Variants in SRGAP3 observed in about 807,000 individuals in gnomAD.
SRGAP3 encodes the protein SLIT-ROBO Rho GTPase-activating protein 3.
SRGAP3 carries 39 observed loss-of-function variants against 121.1 expected under a neutral mutation model. That is an observed-to-expected ratio of 0.32 (90% CI 0.25 to 0.42). SRGAP3 has a LOEUF of 0.42. Among genes scored for constraint, SRGAP3 ranks in the 10% least tolerant of loss-of-function variants. The probability of loss-of-function intolerance (pLI) is 1.00; values close to 1 mark genes in which losing one functional copy is unlikely to be tolerated. For synonymous variants in SRGAP3, 601 were observed against 570.0 expected, an observed-to-expected ratio of 1.05 and a Z score of -0.77; for missense variants, 1,213 against 1,470.6, an observed-to-expected ratio of 0.82 and a Z score of 2.86.
intron 1 of SRGAP3, among the ~76,000 whole-genome samples, chr3:9,137,563 G>T (rs1466580567): frequency 1.3e-5 from 2 of 152,134 alleles, no homozygotes; most frequent in Non-Finnish European, 2.9e-5. Context: ...AAATGATAAG[G>T]TCCCCAACAC....
chr3:9,121,954 A>C (rs1380472677), intron 2 of SRGAP3, among the ~76,000 whole-genome samples: 1 of 152,064 alleles, frequency 6.6e-6, no homozygotes, highest in East Asian at 1.9e-4. Flanking sequence ...TGTCATGGCT[A>C]CTCTCAAGCT....
chr3:9,030,444 A>G (rs595213), intron 12 of SRGAP3, among the ~76,000 whole-genome samples: 33,353 of 152,046 alleles, frequency 0.22, 4,116 homozygotes, highest in Middle Eastern at 0.36. Flanking sequence ...TCCAAAGACA[A>G]GGTGTCCATT....
intron 1 of SRGAP3, among the ~76,000 whole-genome samples, chr3:9,340,510 T>C (rs374957596): frequency 2.9e-4 from 44 of 152,354 alleles, no homozygotes; most frequent in African/African-American, 1.0e-3. Context: ...CCAGTAATTA[T>C]AATTGTGCTA....
chr3:9,206,439 T>G (rs889242471), intron 1 of SRGAP3, among the ~76,000 whole-genome samples: 3 of 152,162 alleles, frequency 2.0e-5, no homozygotes, highest in African/African-American at 7.2e-5. Context: ...GATCCTCAAA[T>G]AGACTCATCA....
At chr3:9,126,065 G>A (rs1949213876) in intron 1 of SRGAP3, among the ~76,000 whole-genome samples, 1 of 152,178 alleles carries the variant, frequency 6.6e-6, no homozygotes, top group African/African-American at 2.4e-5. Context: ...AACTGGGGCA[G>A]AACTACTCTG....
At chr3:9,176,618 G>A (rs1402685025) in intron 1 of SRGAP3, among the ~76,000 whole-genome samples, 1 of 152,188 alleles carries the variant, frequency 6.6e-6, no homozygotes, top group Non-Finnish European at 1.5e-5. Context: ...AGGCTGTACA[G>A]GAAGCATGGT....
chr3:9,127,510 C>T (rs1949281571), intron 1 of SRGAP3, among the ~76,000 whole-genome samples: 1 of 152,134 alleles, frequency 6.6e-6, no homozygotes, highest in African/African-American at 2.4e-5. Context: ...TGCAGCGGCC[C>T]GATCTCCACT....
upstream of SRGAP3, among the ~76,000 whole-genome samples, chr3:9,253,982 T>G (rs928214088): frequency 6.6e-6 from 1 of 152,210 alleles, no homozygotes; most frequent in African/African-American, 2.4e-5. Flanking sequence ...CAAAACCCAT[T>G]AGCTGGAAAA....
At chr3:9,213,182 C>T (rs1432297817) in intron 1 of SRGAP3, among the ~76,000 whole-genome samples, 1 of 152,194 alleles carries the variant, frequency 6.6e-6, no homozygotes, top group Non-Finnish European at 1.5e-5. Flanking sequence ...AGTCTATTCC[C>T]TGTTGGGCTT....
In SRGAP3 at chr3:9,278,574, G is replaced by C. The variant is rs7617660; in HGVS notation, n.442+47436C>G. On this transcript the variant is annotated intron_variant and non_coding_transcript_variant, in intron 3 of 3. Transcript: ENST00000490889. ...AATTTGTTGTGGTGGTGTATGTCACGAGAAAGTGCTTTGTGTCTTGTGAAA... is the reference window on the plus strand; with the variant it reads ...AATTTGTTGTGGTGGTGTATGTCACCAGAAAGTGCTTTGTGTCTTGTGAAA... Among the ~76,000 whole-genome samples the C allele has an allele frequency of 1.7e-3, 255 of 152,288 alleles. 1 individual carries two copies. Among genetic ancestry groups the C allele is most frequent in the African/African-American group, 5.8e-3 (242 of 41,562 alleles).
upstream of SRGAP3, among the ~76,000 whole-genome samples, chr3:9,251,999 CT>C (rs543108599): frequency 6.7e-4 from 102 of 152,264 alleles, no homozygotes; most frequent in African/African-American, 2.3e-3. Flanking sequence ...GACATAATTT[CT>C]TTTTTAGAGC....
chr3:8,999,309 C>T (rs1439575493), intron 18 of SRGAP3, among the ~76,000 whole-genome samples: 3 of 152,212 alleles, frequency 2.0e-5, no homozygotes, highest in Admixed American at 6.5e-5. Flanking sequence ...TACACTGGTG[C>T]GGCCTCTGAA....
At chr3:9,013,668 C>T in intron 16 of SRGAP3, 69 bp downstream of exon 16, 2 of 1,578,590 alleles carry the variant, frequency 1.3e-6, no homozygotes, top group Non-Finnish European at 8.7e-7. Context: ...TCTGCAAAAG[C>T]CTCAAGATAC....
At chr3:9,103,962 T>G (rs1362471647) in intron 3 of SRGAP3, among the ~76,000 whole-genome samples, 1 of 152,196 alleles carries the variant, frequency 6.6e-6, no homozygotes, top group Admixed American at 6.5e-5. Context: ...AAATTCCCAC[T>G]GCAGAAACTG....
At chr3:9,356,635 A>G (rs2030531205) in intron 1 of SRGAP3, among the ~76,000 whole-genome samples, 1 of 151,930 alleles carries the variant, frequency 6.6e-6, no homozygotes, top group African/African-American at 2.4e-5. Context: ...AGCCTCCCAC[A>G]GTGCTAGGAT....
intron 3 of SRGAP3, among the ~76,000 whole-genome samples, chr3:9,263,198 T>A (rs542021022): frequency 6.6e-6 from 1 of 152,248 alleles, no homozygotes; most frequent in Middle Eastern, 3.4e-3. Flanking sequence ...TACCAGAATC[T>A]CTGGGACACA....
intron 3 of SRGAP3, among the ~76,000 whole-genome samples, chr3:9,272,209 G>T (rs796976612): frequency 6.6e-6 from 1 of 152,176 alleles, no homozygotes; most frequent in Non-Finnish European, 1.5e-5. Context: ...ATTTTTAAGT[G>T]AGTAATCACT....
At chr3:9,270,737 G>C (rs995715808) in intron 3 of SRGAP3, among the ~76,000 whole-genome samples, 2 of 152,158 alleles carry the variant, frequency 1.3e-5, no homozygotes, top group Non-Finnish European at 2.9e-5. Flanking sequence ...GTGAAAACAA[G>C]TAATTCAGAA....
Position 9,003,292 on chromosome 3 carries a change from A to G in SRGAP3, c.2227+7016T>C, listed in dbSNP as rs186888262. 7.6e-4 allele frequency among the ~76,000 whole-genome samples: 115 copies of G among 152,248 alleles called. 1 individual carries two copies. The highest frequency in any genetic ancestry group is 2.6e-3 in the African/African-American group (107 of 41,544). On this transcript the variant is annotated intron_variant, in intron 18 of 21. Coordinates refer to ENST00000383836, the MANE Select transcript of SRGAP3 (RefSeq NM_014850.4). ...GTCAGGAGTTTGAGATCAGCCTGCAATATGGCAAAATCCTGTCTCTACTGA... is the reference window on the plus strand; with the variant it reads ...GTCAGGAGTTTGAGATCAGCCTGCAGTATGGCAAAATCCTGTCTCTACTGA...
Sources: allele counts gnomAD v4.1 joint callset (sites outside exome capture counted in the v4.1 genomes callset), GRCh38; gene constraint gnomAD v4.1.1; transcripts MANE v1.5; gene names NCBI Gene and HGNC (gene_info 2026-07-23, HGNC 2026-07-21).